GRM8: variants seen among roughly 807,000 people sequenced by gnomAD.
GRM8 encodes glutamate metabotropic receptor 8, also known as metabotropic glutamate receptor 8.
GRM8 carries 47 observed loss-of-function variants against 87.2 expected under a neutral mutation model. That is an observed-to-expected ratio of 0.54 (90% CI 0.43 to 0.69). The LOEUF is 0.69. GRM8 is among the 30% of genes least tolerant of loss of function. GRM8 has a pLI of 0.00. For synonymous variants in GRM8, 396 were observed against 404.5 expected, an observed-to-expected ratio of 0.98 and a Z score of 0.25; for missense variants, 1,019 against 1,139.2, an observed-to-expected ratio of 0.89 and a Z score of 1.52.
At chr7:126,804,678 T>G (rs6467099) in intron 6 of GRM8, among the ~76,000 whole-genome samples, 56,822 of 152,124 alleles carry the variant, frequency 0.37, 11,877 homozygotes, top group Non-Finnish European at 0.47. Flanking sequence ...GCTGAAAACA[T>G]TACAGCCTGA....
Position 126,464,188 on chromosome 7 carries a change from T to C in GRM8, c.2431-17816A>G, listed in dbSNP as rs190819848. On this transcript the variant is annotated intron_variant, in intron 9 of 10. Coordinates refer to ENST00000339582, the MANE Select transcript of GRM8 (RefSeq NM_000845.3). ...TCTTGTATGTATAATGCAAATATCT[T>C]CCACTTCTTTTACTGTGTGGCTTGC... Among the ~76,000 whole-genome samples, 13 of 151,816 alleles carry C rather than the reference T, an allele frequency of 8.6e-5. No homozygotes were observed. The East Asian group carries it at 2.5e-3, about 30-fold the overall frequency.
Position 126,533,354 on chromosome 7 carries a change from T to C in GRM8, c.2028A>G (p.Ile676Met), listed in dbSNP as rs1478675069. 6.2e-7 allele frequency: 1 copy of C among 1,613,830 alleles called. No individual in the cohort carries two copies. Among genetic ancestry groups the C allele is most frequent in the South Asian group, 1.1e-5 (1 of 91,062 alleles). ...TGACAGATTTCTTCCCCTGCTCAAA[T>C]ATTCGGTGGATACGGTTTGTTTTGG... The part of the protein sequence containing the change: ...LLTKTNRIHR[I>M]FEQGKKSVTA... Residue 676 changes from isoleucine to methionine, a missense_variant, in exon 9 of 11, where the codon ATA becomes ATG. By Grantham distance (10) the Ile-to-Met change is conservative. Transcript: ENST00000339582.
chr7:127,117,730 A>T (rs1826784678), intron 2 of GRM8, among the ~76,000 whole-genome samples: 1 of 152,226 alleles, frequency 6.6e-6, no homozygotes, highest in Admixed American at 6.5e-5. Context: ...ATCACTGCTG[A>T]CTTCAAACTA....
At chr7:127,129,077 T>C (rs1240024597) in intron 2 of GRM8, among the ~76,000 whole-genome samples, 1 of 152,182 alleles carries the variant, frequency 6.6e-6, no homozygotes, top group Non-Finnish European at 1.5e-5. Flanking sequence ...AATTATTTCT[T>C]CCTACGAATA....
intron 6 of GRM8, 99 bp downstream of exon 6, chr7:126,902,443 T>TA: frequency 1.0e-6 from 1 of 975,830 alleles, no homozygotes; most frequent in Non-Finnish European, 1.5e-6. Flanking sequence ...AAATAGAAAA[T>TA]ACATTCATCA....
At position 126,439,089 on chromosome 7, in the gene GRM8, C is replaced by T. The variant is rs1801152301; in HGVS notation, c.*30G>A. ...GTTCATCATTTAAGATCATATACCA[C>T]ATCTCTTCAGATTGTGCCATTTCCC... On this transcript the variant is annotated 3_prime_UTR_variant, in exon 11 of 11. Transcript: ENST00000339582. 1.5e-6 allele frequency: 2 copies of T among 1,358,908 alleles called. No individual in the cohort carries two copies. The highest frequency in any genetic ancestry group is 1.7e-5 in the Admixed American group (1 of 59,574). 84.2% of individuals were successfully genotyped at this position (1,358,908 alleles called of 1,614,324 possible).
At chr7:126,981,337 A>C (rs1459751494) in intron 3 of GRM8, 1 of 152,106 alleles carries the variant, frequency 6.6e-6, no homozygotes, top group African/African-American at 2.4e-5. Flanking sequence ...CACTCTATAT[A>C]TGTCAGTTTT....
chr7:127,039,056 T>C (rs147328444), intron 3 of GRM8, among the ~76,000 whole-genome samples: 69 of 152,290 alleles, frequency 4.5e-4, no homozygotes, highest in Non-Finnish European at 7.2e-4. Context: ...AGGGACCCAT[T>C]ATGGAGGCTG....
At chr7:126,788,789 TAAA>T (rs71522228) in intron 6 of GRM8, among the ~76,000 whole-genome samples, 2 of 141,044 alleles carry the variant, frequency 1.4e-5, no homozygotes, top group Non-Finnish European at 3.1e-5. Flanking sequence ...TCTGGTCAGT[TAAA>T]AAAAAAAAAA....
chr7:126,920,434 G>A (rs762089163), intron 3 of GRM8, among the ~76,000 whole-genome samples: 6 of 152,180 alleles, frequency 3.9e-5, no homozygotes, highest in Non-Finnish European at 7.3e-5. Flanking sequence ...AAGCTGAAAA[G>A]CAGATGATTA....
chr7:126,616,661 C>A (rs538996202), intron 7 of GRM8, among the ~76,000 whole-genome samples: 46 of 152,182 alleles, frequency 3.0e-4, no homozygotes, highest in African/African-American at 1.1e-3. Flanking sequence ...AGGGAAGAAT[C>A]AAATAAACGC....
chr7:126,444,983 A>AAAAC (rs138460879), intron 10 of GRM8, among the ~76,000 whole-genome samples: 2,022 of 151,022 alleles, frequency 0.013, 33 homozygotes, highest in African/African-American at 0.041. Context: ...CTGTCTCTAC[A>AAAAC]AAACAAACAA....
intron 2 of GRM8, among the ~76,000 whole-genome samples, chr7:127,204,920 C>T (rs900347400): frequency 3.3e-5 from 5 of 152,216 alleles, no homozygotes; most frequent in Admixed American, 2.6e-4. Context: ...GTACAAATGG[C>T]TTCATTTCCA....
chr7:126,532,758 G>A lies in GRM8; in HGVS notation c.2430+194C>T, dbSNP rs913880406. 8.0e-5 allele frequency among the ~76,000 whole-genome samples: 9 copies of A among 112,888 alleles called. No individual in the cohort carries two copies. In the East Asian group the frequency reaches 2.1e-3, roughly 27 times the overall value. The allele number at this position is 112,888 out of a possible 152,430, so 74.1% of individuals were successfully genotyped here. On this transcript the variant is annotated intron_variant, in intron 9 of 10. Transcript: ENST00000339582. ...AATTCAAAGCAATGTGACCTTGACG[G>A]ATGGAGATATATATATATATATATA... is the stretch of plus-strand genomic sequence containing the variant.
chr7:126,851,772 T>C (rs745987725), intron 6 of GRM8, among the ~76,000 whole-genome samples: 1 of 152,160 alleles, frequency 6.6e-6, no homozygotes, highest in Non-Finnish European at 1.5e-5. Context: ...TCTAAAATGG[T>C]AACCTCCCAC....
chr7:126,480,426 T>C (rs1163238333), intron 9 of GRM8, among the ~76,000 whole-genome samples: 1 of 152,024 alleles, frequency 6.6e-6, no homozygotes, highest in Non-Finnish European at 1.5e-5. Flanking sequence ...AAATGGTGTT[T>C]TGACTAGCTA....
chr7:126,439,143 G>C lies in GRM8; in HGVS notation c.2703C>G (p.Ile901Met), dbSNP rs1801158532. The C allele has an allele frequency of 5.1e-6, 8 of 1,568,586 alleles. No individual in the cohort carries two copies. Among genetic ancestry groups the C allele is most frequent in the Middle Eastern group, 3.3e-4 (2 of 5,986 alleles). The change falls in exon 11 of 11, where the codon ATC becomes ATG. Residue 901 changes from isoleucine to methionine, a missense_variant. By Grantham distance (10) the Ile-to-Met change is conservative (BLOSUM62 1). Transcript: ENST00000339582. The part of the protein sequence containing the change: ...TNTSSTKTTY[I>M]SYSNHSI Reference sequence around the variant, plus strand: ...TTCAGATTGAATGATTGCTGTAACTGATATATGTTGTCTTGGTAGAGGAAG... The same window carrying C: ...TTCAGATTGAATGATTGCTGTAACTCATATATGTTGTCTTGGTAGAGGAAG...
chr7:126,502,623 ATTATAT>A (rs2150702875), intron 9 of GRM8, among the ~76,000 whole-genome samples: 1 of 152,206 alleles, frequency 6.6e-6, no homozygotes, highest in Non-Finnish European at 1.5e-5. Context: ...TTTTAAAACA[ATTATAT>A]AGTACAAACT....
chr7:127,077,629 G>A (rs547059350), intron 3 of GRM8, among the ~76,000 whole-genome samples: 2 of 152,144 alleles, frequency 1.3e-5, no homozygotes, highest in Admixed American at 6.6e-5. Context: ...GAGATATAGA[G>A]TCAGTTTGCA....
Sources: allele counts gnomAD v4.1 joint callset (sites outside exome capture counted in the v4.1 genomes callset), GRCh38; gene constraint gnomAD v4.1.1; transcripts MANE v1.5; gene names NCBI Gene and HGNC (gene_info 2026-07-23, HGNC 2026-07-21).